Variants in CHN1 observed in about 807,000 individuals in gnomAD.
CHN1 encodes the protein chimerin 1.
In CHN1, 37 loss-of-function variants were observed where a neutral mutation model predicts 59.5. The ratio of observed to expected loss-of-function variants is 0.62; its 90% CI spans 0.48 to 0.82. CHN1 has a LOEUF of 0.82. Ranked by LOEUF, CHN1 falls within the 40% of genes least tolerant of loss-of-function variation. CHN1 has a pLI of 0.00. For synonymous variants in CHN1, 206 were observed against 200.4 expected, an observed-to-expected ratio of 1.03 and a Z score of -0.24; for missense variants, 469 against 571.0, an observed-to-expected ratio of 0.82 and a Z score of 1.82.
chr2:174,944,476 TC>T (rs1689768265), intron 3 of CHN1, among the ~76,000 whole-genome samples: 1 of 152,226 alleles, frequency 6.6e-6, no homozygotes, highest in Non-Finnish European at 1.5e-5. Context: ...ATACATCATA[TC>T]TTTTTTTGGT....
intron 7 of CHN1, chr2:174,846,329 T>A (rs1364037192): frequency 1.3e-6 from 2 of 1,548,828 alleles, no homozygotes; most frequent in Non-Finnish European, 1.7e-6. Context: ...TGAAAGCAAA[T>A]ACTCAAAAAG....
chr2:174,800,047 G>A lies in CHN1; in HGVS notation c.*69C>T, dbSNP rs1684669036. 2 of 1,379,344 alleles carry A rather than the reference G, an allele frequency of 1.4e-6. No individual in the cohort carries two copies. The highest frequency in any genetic ancestry group is 1.4e-5 in the African/African-American group (1 of 69,758). 85.4% of individuals were successfully genotyped at this position (1,379,344 alleles called of 1,614,324 possible). ...TAATCAAGAAATAATGCAGCTACAGGAGCAAATTAAATTACTATAAAACAT... is the reference window on the plus strand; with the variant it reads ...TAATCAAGAAATAATGCAGCTACAGAAGCAAATTAAATTACTATAAAACAT... On this transcript the variant is annotated 3_prime_UTR_variant, in exon 13 of 13. Transcript: ENST00000409900.
intron 1 of CHN1, among the ~76,000 whole-genome samples, chr2:175,003,738 G>T (rs1206455317): frequency 6.6e-6 from 1 of 152,228 alleles, no homozygotes; most frequent in African/African-American, 2.4e-5. Flanking sequence ...CTTGGGCACA[G>T]TAAACACAGT....
intron 7 of CHN1, among the ~76,000 whole-genome samples, chr2:174,836,775 C>G (rs1686095897): frequency 1.3e-5 from 2 of 152,310 alleles, no homozygotes; most frequent in South Asian, 4.1e-4. Flanking sequence ...ATTCCCTTCT[C>G]CTGACTGGAG....
intron 6 of CHN1, chr2:174,847,267 G>T: frequency 7.2e-7 from 1 of 1,380,746 alleles, no homozygotes; most frequent in Non-Finnish European, 9.3e-7. Context: ...ACCACGGAGA[G>T]GTGGAGGAGG....
intron 11 of CHN1, among the ~76,000 whole-genome samples, chr2:174,804,505 G>T (rs538973105): frequency 6.6e-6 from 1 of 152,252 alleles, no homozygotes; most frequent in East Asian, 1.9e-4. Context: ...ACTGTGGAAG[G>T]CAAAGAATAA....
chr2:174,845,416 T>A (rs1310693392), intron 7 of CHN1, among the ~76,000 whole-genome samples: 1 of 152,216 alleles, frequency 6.6e-6, no homozygotes, highest in East Asian at 1.9e-4. Flanking sequence ...TCCTGTTAGA[T>A]CAGGTTGTAT....
chr2:174,944,725 A>C (rs990020485), intron 3 of CHN1, among the ~76,000 whole-genome samples, 163 bp downstream of exon 3: 2 of 152,250 alleles, frequency 1.3e-5, no homozygotes, highest in Non-Finnish European at 2.9e-5. Flanking sequence ...AAGTTAAATC[A>C]AATGAGAAGG....
chr2:174,964,270 G>C (rs1377660241), intron 1 of CHN1, among the ~76,000 whole-genome samples: 1 of 152,112 alleles, frequency 6.6e-6, no homozygotes, highest in African/African-American at 2.4e-5. Flanking sequence ...ACTCTTTCTG[G>C]AAGCACAGGA....
intron 8 of CHN1, among the ~76,000 whole-genome samples, chr2:174,814,529 T>G (rs1424261186): frequency 6.6e-6 from 1 of 152,218 alleles, no homozygotes; most frequent in Non-Finnish European, 1.5e-5. Flanking sequence ...CTGTGTGATT[T>G]TGAGTGAGTT....
At chr2:174,899,576 T>A (rs1015330771) in intron 5 of CHN1, among the ~76,000 whole-genome samples, 4 of 152,220 alleles carry the variant, frequency 2.6e-5, no homozygotes, top group Admixed American at 2.6e-4. Flanking sequence ...AGCATCTATA[T>A]AACATAATAT....
At chr2:174,958,820 G>A (rs1690304168) in intron 1 of CHN1, among the ~76,000 whole-genome samples, 1 of 152,100 alleles carries the variant, frequency 6.6e-6, no homozygotes, top group Admixed American at 6.5e-5. Flanking sequence ...ACCCTCTCCT[G>A]CCTTCACCAA....
intron 7 of CHN1, among the ~76,000 whole-genome samples, chr2:174,830,595 A>G (rs1180885668): frequency 6.6e-6 from 1 of 152,190 alleles, no homozygotes; most frequent in Non-Finnish European, 1.5e-5. Flanking sequence ...TGTCCTGATC[A>G]AATGGATGTG....
At chr2:174,954,275 C>T (rs1271577224) in intron 1 of CHN1, among the ~76,000 whole-genome samples, 1 of 152,052 alleles carries the variant, frequency 6.6e-6, no homozygotes, top group South Asian at 2.1e-4. Flanking sequence ...TCGTTTCTCA[C>T]CCTATACAAA....
chr2:174,929,393 C>G (rs565100267), intron 3 of CHN1, among the ~76,000 whole-genome samples: 1 of 152,210 alleles, frequency 6.6e-6, no homozygotes, highest in East Asian at 1.9e-4. Flanking sequence ...GCCTAGCCAA[C>G]ATGGTGAAAC....
chr2:174,904,228 C>G (rs960960110), intron 5 of CHN1, among the ~76,000 whole-genome samples: 8 of 151,188 alleles, frequency 5.3e-5, no homozygotes. Flanking sequence ...CCATTGCACT[C>G]CAGCCTGAGC....
chr2:174,823,524 G>C (rs1051848920), intron 8 of CHN1, among the ~76,000 whole-genome samples: 2 of 152,048 alleles, frequency 1.3e-5, no homozygotes, highest in Non-Finnish European at 2.9e-5. Flanking sequence ...TTAGCTGGGT[G>C]TGGTGGCGGG....
In CHN1 at chr2:174,974,896, A is replaced by ACACACACAC. The variant is rs1559005611; in HGVS notation, c.20-22695_20-22694insGTGTGTGTG. Among the ~76,000 whole-genome samples, 908 of 101,004 alleles carry ACACACACAC rather than the reference A, an allele frequency of 9.0e-3. 14 individuals carry two copies. Among genetic ancestry groups the ACACACACAC allele is most frequent in the Admixed American group, 0.035 (408 of 11,642 alleles). The allele number at this position is 101,004 out of a possible 152,430, so 66.3% of individuals were successfully genotyped here. On this transcript the variant is annotated intron_variant, in intron 1 of 12. Coordinates refer to ENST00000409900, the MANE Select transcript of CHN1 (RefSeq NM_001822.7). ...TGCAAACAGGCCATAAGAAATAATT[A>ACACACACAC]ATACACACACACACACACACACACA...
chr2:174,815,389 A>T (rs1452541058), intron 8 of CHN1, among the ~76,000 whole-genome samples: 1 of 152,122 alleles, frequency 6.6e-6, no homozygotes, highest in Admixed American at 6.6e-5. Flanking sequence ...AAAAAAAAAT[A>T]AATTAAAAAA....
Sources: allele counts gnomAD v4.1 joint callset (sites outside exome capture counted in the v4.1 genomes callset), GRCh38; gene constraint gnomAD v4.1.1; transcripts MANE v1.5; gene names NCBI Gene and HGNC (gene_info 2026-07-23, HGNC 2026-07-21).